The following LMBRD1 variants were observed in gnomAD, a reference collection of about 807,000 sequenced individuals.
The protein encoded by LMBRD1 is lysosomal cobalamin transport escort protein LMBD1.
LMBRD1 carries 64 observed loss-of-function variants against 74.8 expected under a neutral mutation model. The observed-to-expected ratio is 0.86, with a 90% CI of 0.70 to 1.05. The LOEUF is 1.05. Ranked by LOEUF, LMBRD1 falls within the 50% of genes least tolerant of loss-of-function variation. The pLI is 0.00. For missense variants in LMBRD1, 652 were observed against 645.9 expected, an observed-to-expected ratio of 1.01 and a Z score of -0.10; for synonymous variants, 204 against 216.3, an observed-to-expected ratio of 0.94 and a Z score of 0.50.
At chr6:69,757,864 G>T (rs1292052548) in intron 3 of LMBRD1, among the ~76,000 whole-genome samples, 12 of 152,092 alleles carry the variant, frequency 7.9e-5, no homozygotes, top group Admixed American at 7.9e-4. Flanking sequence ...AAGATAAACA[G>T]ATTTTTGGTT....
intron 3 of LMBRD1, among the ~76,000 whole-genome samples, chr6:69,762,263 G>A (rs1765389268): frequency 6.6e-6 from 1 of 152,108 alleles, no homozygotes; most frequent in Admixed American, 6.5e-5. Flanking sequence ...TTCCTGTTGG[G>A]TAAATTCCTA....
chr6:69,741,487 C>A (rs1767099844), intron 6 of LMBRD1, among the ~76,000 whole-genome samples: 1 of 151,742 alleles, frequency 6.6e-6, no homozygotes, highest in South Asian at 2.1e-4. Flanking sequence ...CCAGGTTCAA[C>A]CGATTCTCCT....
intron 7 of LMBRD1, among the ~76,000 whole-genome samples, chr6:69,729,283 G>A (rs149147042): frequency 1.8e-3 from 268 of 148,580 alleles, no homozygotes; most frequent in Admixed American, 0.011. Flanking sequence ...ATTACAATAC[G>A]TCTGAGAAAC....
chr6:69,779,354 T>G (rs569954916), intron 3 of LMBRD1, among the ~76,000 whole-genome samples: 1 of 152,308 alleles, frequency 6.6e-6, no homozygotes, highest in Admixed American at 6.5e-5. Flanking sequence ...TACACTTTTT[T>G]TTATAAAACA....
At chr6:69,736,968 G>T (rs1766990791) in intron 7 of LMBRD1, among the ~76,000 whole-genome samples, 1 of 152,084 alleles carries the variant, frequency 6.6e-6, no homozygotes, top group South Asian at 2.1e-4. Flanking sequence ...AAATTTCAAT[G>T]AATAATAAAA....
At chr6:69,679,856 C>A (rs192904162) in intron 14 of LMBRD1, among the ~76,000 whole-genome samples, 1 of 152,160 alleles carries the variant, frequency 6.6e-6, no homozygotes, top group African/African-American at 2.4e-5. Context: ...ACATCAAAAG[C>A]CCCAGGCAAA....
At chr6:69,697,826 C>A (rs79367650) in intron 13 of LMBRD1, among the ~76,000 whole-genome samples, 185 bp from the exon 14 acceptor site, 1 of 151,966 alleles carries the variant, frequency 6.6e-6, no homozygotes, top group Admixed American at 6.6e-5. Context: ...AACATTAAGG[C>A]TTTTTGCAAT....
At chr6:69,715,865 G>A (rs1766477600) in intron 8 of LMBRD1, among the ~76,000 whole-genome samples, 1 of 152,066 alleles carries the variant, frequency 6.6e-6, no homozygotes, top group Admixed American at 6.6e-5. Context: ...GTGAGAACAT[G>A]CAGTATTAGA....
At chr6:69,685,506 A>T (rs750391963) in intron 14 of LMBRD1, among the ~76,000 whole-genome samples, 7 of 152,174 alleles carry the variant, frequency 4.6e-5, no homozygotes, top group Non-Finnish European at 8.8e-5. Flanking sequence ...GATCCACTAA[A>T]TCAAAAACTT....
chr6:69,705,297 T>C, intron 9 of LMBRD1: 2 of 744,426 alleles, frequency 2.7e-6, no homozygotes, highest in Non-Finnish European at 4.9e-6. Context: ...TTAAAGAGAC[T>C]TCCTCAACTG....
intron 14 of LMBRD1, 140 bp downstream of exon 14, chr6:69,697,423 A>T: frequency 1.5e-6 from 1 of 651,326 alleles, no homozygotes; most frequent in Non-Finnish European, 2.8e-6. Flanking sequence ...AATTCTACTG[A>T]AGAGATTTAC....
intron 2 of LMBRD1, among the ~76,000 whole-genome samples, chr6:69,786,486 CT>C (rs11407086): frequency 2.3e-4 from 34 of 147,460 alleles, no homozygotes; most frequent in Admixed American, 3.4e-4. Context: ...GTGTCGATTT[CT>C]TTTTTTTTTT....
chr6:69,688,387 GT>G (rs1341414813), intron 14 of LMBRD1, among the ~76,000 whole-genome samples: 1 of 146,496 alleles, frequency 6.8e-6, no homozygotes, highest in African/African-American at 2.5e-5. Context: ...ACAGGCCAAA[GT>G]TTGAAGGGCA....
At chr6:69,761,659 C>T (rs545956372) in intron 3 of LMBRD1, among the ~76,000 whole-genome samples, 4 of 152,160 alleles carry the variant, frequency 2.6e-5, no homozygotes, top group Non-Finnish European at 5.9e-5. Context: ...TTTACATATC[C>T]TGAAATTCAC....
chr6:69,787,497 C>A (rs1467803417), intron 2 of LMBRD1, among the ~76,000 whole-genome samples: 2 of 152,132 alleles, frequency 1.3e-5, no homozygotes, highest in Non-Finnish European at 2.9e-5. Flanking sequence ...GTAATCCCAG[C>A]ACTTTGGGAG....
chr6:69,780,419 G>A, intron 3 of LMBRD1, 75 bp downstream of exon 3: 1 of 1,076,760 alleles, frequency 9.3e-7, no homozygotes, highest in South Asian at 1.2e-5. Context: ...AGAACCTGGG[G>A]TTCTCCACTC....
chr6:69,675,610 C>T lies in LMBRD1; in HGVS notation c.*548G>A, dbSNP rs920097370. ...TTGAACAATATAACACATCTTGGAA[C>T]GCCATGCTCTTAGAGCACTAACTAG... is the stretch of plus-strand genomic sequence containing the variant. On this transcript the variant is annotated 3_prime_UTR_variant, in exon 16 of 16. Transcript: ENST00000649934. 5.3e-5 allele frequency among the ~76,000 whole-genome samples: 8 copies of T among 152,120 alleles called. No individual in the cohort carries two copies. The highest frequency in any genetic ancestry group is 2.1e-4 in the South Asian group (1 of 4,822).
intron 9 of LMBRD1, chr6:69,705,865 A>G: frequency 7.5e-7 from 1 of 1,338,620 alleles, no homozygotes; most frequent in Non-Finnish European, 1.1e-6. Flanking sequence ...CAACCGTAAG[A>G]CCACTGGTGG....
At chr6:69,766,216 T>G (rs980500438) in intron 3 of LMBRD1, among the ~76,000 whole-genome samples, 4 of 152,004 alleles carry the variant, frequency 2.6e-5, no homozygotes, top group Non-Finnish European at 5.9e-5. Flanking sequence ...ATAGCAGTGT[T>G]GAGAGCAGAC....
Sources: gnomAD v4.1 joint callset for allele counts (sites outside exome capture counted in the v4.1 genomes callset) on GRCh38, gnomAD v4.1.1 for gene constraint, MANE v1.5 for transcripts, NCBI Gene and HGNC (gene_info 2026-07-23, HGNC 2026-07-21) for gene names.